Variants in PUDP observed in about 807,000 individuals in gnomAD.
PUDP encodes pseudouridine-5'-phosphatase.
In PUDP, 8 loss-of-function variants were observed where a neutral mutation model predicts 9.4. The observed-to-expected ratio is 0.85, with a 90% CI of 0.50 to 1.53. The LOEUF (loss-of-function observed/expected upper bound fraction) is 1.53. PUDP is among the 40% of genes most tolerant of loss of function. PUDP has a pLI of 0.00. For missense variants in PUDP, 188 were observed against 189.7 expected (o/e 0.99, Z 0.05); for synonymous variants, 99 against 80.7 (o/e 1.23, Z -1.22).
intron 3 of PUDP, among the ~76,000 whole-genome samples, chrX:6,813,012 T>TG (rs1225551628): frequency 2.7e-5 from 3 of 110,780 alleles, no homozygotes; most frequent in African/African-American, 9.9e-5. Flanking sequence ...GAGGTTCGCT[T>TG]GAGCCCAGAA....
chrX:7,100,535 G>A (rs890623369), intron 2 of PUDP, among the ~76,000 whole-genome samples: 1 of 111,721 alleles, frequency 9.0e-6, no homozygotes, highest in Non-Finnish European at 1.9e-5. Context: ...AAAGTCAAGG[G>A]TTATATTATC....
intron 3 of PUDP, among the ~76,000 whole-genome samples, chrX:6,752,868 T>C (rs116033884): frequency 0.016 from 1,777 of 111,916 alleles, 37 homozygotes; most frequent in African/African-American, 0.054. Flanking sequence ...TTCTCAGGAA[T>C]ATGTGATTAT....
intron 3 of PUDP, among the ~76,000 whole-genome samples, chrX:6,816,248 C>T (rs1926231461): frequency 9.5e-6 from 1 of 104,758 alleles, no homozygotes; most frequent in African/African-American, 3.4e-5. Flanking sequence ...ATAGTATATG[C>T]AGTGTATATA....
At chrX:6,936,026 T>A (rs963777620) in intron 3 of PUDP, among the ~76,000 whole-genome samples, 47 of 110,661 alleles carry the variant, frequency 4.2e-4, no homozygotes, top group Non-Finnish European at 5.7e-4. Context: ...CAGGACCAGG[T>A]GGATTCACAG....
chrX:6,752,721 T>G (rs1925116025), intron 3 of PUDP, among the ~76,000 whole-genome samples: 1 of 110,687 alleles, frequency 9.0e-6, no homozygotes, highest in Non-Finnish European at 1.9e-5. Flanking sequence ...AGATTCTGCC[T>G]GGATGATCAT....
intron 3 of PUDP, among the ~76,000 whole-genome samples, chrX:6,833,956 T>A (rs1025916701): frequency 8.9e-6 from 1 of 112,346 alleles, no homozygotes; most frequent in Non-Finnish European, 1.9e-5. Flanking sequence ...GTTGTACTAT[T>A]TGGGGGCAAA....
chrX:6,717,792 C>T (rs1049140233), intron 1 of PUDP, among the ~76,000 whole-genome samples: 10 of 111,974 alleles, frequency 8.9e-5, no homozygotes, highest in African/African-American at 3.2e-4. Context: ...AAGATTTTCT[C>T]TCTAATTAAT....
chrX:7,140,749 T>G (rs920511610), intron 1 of PUDP, among the ~76,000 whole-genome samples: 1 of 112,068 alleles, frequency 8.9e-6, no homozygotes, highest in East Asian at 2.8e-4. Flanking sequence ...TTGTGCTTCA[T>G]AGATTGTAGT....
intron 3 of PUDP, among the ~76,000 whole-genome samples, chrX:6,878,741 A>G (rs776761123): frequency 5.6e-5 from 6 of 107,841 alleles, no homozygotes; most frequent in Non-Finnish European, 1.2e-4. Flanking sequence ...TCATAAGATA[A>G]TTTACATCCA....
chrX:7,113,461 AC>A (rs2077555257), intron 1 of PUDP: 1 of 112,824 alleles, frequency 8.9e-6, no homozygotes, highest in African/African-American at 3.2e-5. Flanking sequence ...GGTGCTAGTC[AC>A]CCAATGAGTG....
intron 1 of PUDP, among the ~76,000 whole-genome samples, chrX:6,991,025 T>C (rs1285670415): frequency 6.2e-5 from 7 of 112,107 alleles, no homozygotes; most frequent in Admixed American, 3.8e-4. Flanking sequence ...CACGGGAGCA[T>C]GCTTGCACTT....
chrX:6,972,264 G>T (rs1382634787), intron 3 of PUDP, among the ~76,000 whole-genome samples: 1 of 111,958 alleles, frequency 8.9e-6, no homozygotes, highest in Non-Finnish European at 1.9e-5. Context: ...AGTGGTGAGA[G>T]AGGGCATCCT....
intron 3 of PUDP, among the ~76,000 whole-genome samples, chrX:6,933,359 G>T (rs1040726340): frequency 9.0e-6 from 1 of 111,618 alleles, no homozygotes; most frequent in Non-Finnish European, 1.9e-5. Flanking sequence ...CACCGCTGCG[G>T]ATACCCAGGC....
chrX:6,798,622 G>A (rs1925881905), intron 3 of PUDP, among the ~76,000 whole-genome samples: 1 of 111,864 alleles, frequency 8.9e-6, no homozygotes, highest in African/African-American at 3.2e-5. Flanking sequence ...GTCTCATGGA[G>A]TATAAGAATA....
At chrX:6,709,592 G>A (rs1231541164) in intron 1 of PUDP, among the ~76,000 whole-genome samples, 1 of 112,023 alleles carries the variant, frequency 8.9e-6, no homozygotes, top group Non-Finnish European at 1.9e-5. Flanking sequence ...TGACATTGGT[G>A]AGAAGTCTCA....
intron 3 of PUDP, among the ~76,000 whole-genome samples, chrX:7,056,764 C>G (rs1930256398): frequency 9.0e-6 from 1 of 111,648 alleles, no homozygotes; most frequent in Non-Finnish European, 1.9e-5. Flanking sequence ...CATGGAAAGT[C>G]AGCGCTAGGG....
intron 3 of PUDP, among the ~76,000 whole-genome samples, chrX:6,729,029 G>C (rs962355984): frequency 2.9e-4 from 32 of 111,741 alleles, no homozygotes; most frequent in African/African-American, 1.0e-3. Context: ...AAGGTTAGGT[G>C]TTTGGGGGAG....
At chrX:6,746,677 C>G (rs1019252377) in intron 3 of PUDP, among the ~76,000 whole-genome samples, 4 of 110,495 alleles carry the variant, frequency 3.6e-5, no homozygotes, top group African/African-American at 1.3e-4. Context: ...TTTGGTTTTT[C>G]TGTTCCTCCG....
At chrX:6,991,320 G>A (rs1929173261) in intron 1 of PUDP, among the ~76,000 whole-genome samples, 1 of 110,967 alleles carries the variant, frequency 9.0e-6, no homozygotes, top group South Asian at 3.8e-4. Context: ...GATCACCAAA[G>A]TCAAGTGTTT....
Sources: gnomAD v4.1 joint callset for allele counts (sites outside exome capture counted in the v4.1 genomes callset) on GRCh38, gnomAD v4.1.1 for gene constraint, MANE v1.5 for transcripts, NCBI Gene and HGNC (gene_info 2026-07-23, HGNC 2026-07-21) for gene names.